The following CLOCK variants were observed in gnomAD, a reference collection of about 807,000 sequenced individuals.
The protein encoded by CLOCK is clock circadian regulator, also known as circadian locomoter output cycles protein kaput.
CLOCK carries 43 observed loss-of-function variants against 118.4 expected under a neutral mutation model. The observed-to-expected ratio is 0.36, with a 90% CI of 0.28 to 0.47. The LOEUF is 0.47. Ranked by LOEUF, CLOCK falls within the 20% of genes least tolerant of loss-of-function variation. The pLI, the probability that CLOCK is intolerant of heterozygous loss-of-function variation, is 1.00. For missense variants in CLOCK, 846 were observed against 999.9 expected (o/e 0.85, Z 2.08); for synonymous variants, 326 against 339.2 (o/e 0.96, Z 0.43).
At chr4:55,494,530 A>G (rs574585559) in intron 2 of CLOCK, among the ~76,000 whole-genome samples, 76 of 152,258 alleles carry the variant, frequency 5.0e-4, no homozygotes, top group African/African-American at 1.6e-3. Context: ...AGTTAAAGGC[A>G]TAAGAATGAT....
chr4:55,485,513 G>C (rs1263246742), intron 3 of CLOCK, among the ~76,000 whole-genome samples: 1 of 152,206 alleles, frequency 6.6e-6, no homozygotes, highest in Admixed American at 6.5e-5. Context: ...TTCAGAAAGA[G>C]ACTAGCTAGA....
chr4:55,461,526 C>T (rs1489867807), intron 9 of CLOCK, among the ~76,000 whole-genome samples: 1 of 152,154 alleles, frequency 6.6e-6, no homozygotes, highest in Non-Finnish European at 1.5e-5. Context: ...TGGTCTGATC[C>T]ATAAGATCTC....
chr4:55,504,628 TTA>T (rs1177896823), intron 2 of CLOCK, among the ~76,000 whole-genome samples: 1 of 152,118 alleles, frequency 6.6e-6, no homozygotes, highest in Non-Finnish European at 1.5e-5. Flanking sequence ...ACTGAACATA[TTA>T]AAGTACAGGA....
chr4:55,505,336 T>TAGTATTTAG, intron 2 of CLOCK, among the ~76,000 whole-genome samples: 1 of 151,994 alleles, frequency 6.6e-6, no homozygotes, highest in Admixed American at 6.6e-5. Flanking sequence ...TGCAATACTC[T>TAGTATTTAG]AAGTGTATTT....
chr4:55,477,500 G>C (rs1167157609), intron 6 of CLOCK, among the ~76,000 whole-genome samples: 3 of 152,042 alleles, frequency 2.0e-5, no homozygotes, highest in Non-Finnish European at 2.9e-5. Context: ...AATTTTTTCA[G>C]GTTTAAGTCT....
intron 3 of CLOCK, among the ~76,000 whole-genome samples, chr4:55,488,921 TG>T (rs560297944): frequency 2.0e-5 from 3 of 152,064 alleles, no homozygotes; most frequent in Non-Finnish European, 4.4e-5. Flanking sequence ...TTGGTGGAGA[TG>T]GGGTCTCACT....
At chr4:55,447,428 T>C (rs560182611) in intron 18 of CLOCK, among the ~76,000 whole-genome samples, 6 of 152,386 alleles carry the variant, frequency 3.9e-5, no homozygotes, top group South Asian at 4.1e-4. Context: ...TAAAGTTATT[T>C]GTACCTTTGG....
intron 2 of CLOCK, among the ~76,000 whole-genome samples, chr4:55,496,678 T>C (rs912673655): frequency 1.3e-5 from 2 of 152,200 alleles, no homozygotes; most frequent in Admixed American, 1.3e-4. Context: ...CTTCTGAAGA[T>C]TATTTATCAC....
chr4:55,462,114 A>T (rs947497126), intron 9 of CLOCK, among the ~76,000 whole-genome samples: 3 of 152,336 alleles, frequency 2.0e-5, no homozygotes, highest in African/African-American at 7.2e-5. Context: ...CCATTTAATT[A>T]AGACTTTTCT....
In CLOCK at chr4:55,458,951, A is replaced by G. The variant is rs749292162; in HGVS notation, c.733T>C (p.Tyr245His). 28 of 1,613,866 alleles carry G rather than the reference A, an allele frequency of 1.7e-5. No individual in the cohort carries two copies. The highest frequency in any genetic ancestry group is 2.2e-5 in the Non-Finnish European group (26 of 1,179,956). The change falls in exon 11 of 23, where the codon TAT becomes CAT. Residue 245 changes from tyrosine to histidine, a missense_variant. By Grantham distance (83) the Tyr-to-His change is moderately conservative. Transcript: ENST00000513440. ...GTIQRTHRPS[Y>H]EDRVCFVATV... The stretch of plus-strand genomic sequence containing the variant: ...GCTACAAAACAAACTCTATCTTCAT[A>G]AGATGGCCTATGTGTGCGTTGTATA...
At chr4:55,457,600 GAAACA>G in intron 11 of CLOCK, among the ~76,000 whole-genome samples, 1 of 152,208 alleles carries the variant, frequency 6.6e-6, no homozygotes, top group Admixed American at 6.5e-5. Context: ...AAACAAGAAA[GAAACA>G]AATTTTATTT....
intron 1 of CLOCK, chr4:55,545,308 G>C (rs1383390398): frequency 6.6e-6 from 1 of 152,090 alleles, no homozygotes; most frequent in Non-Finnish European, 1.5e-5. Context: ...TGTCCCAAGG[G>C]ATAAGTTTCA....
chr4:55,490,711 T>C (rs999374614), intron 2 of CLOCK, among the ~76,000 whole-genome samples: 3 of 152,224 alleles, frequency 2.0e-5, no homozygotes, highest in Admixed American at 6.5e-5. Flanking sequence ...ATAGGTGTTA[T>C]ACTATATTGG....
chr4:55,438,140 C>T, intron 22 of CLOCK, 142 bp downstream of exon 22: 5 of 1,143,600 alleles, frequency 4.4e-6, no homozygotes, highest in Non-Finnish European at 6.2e-6. Flanking sequence ...CCAGAACAAG[C>T]TTTCTATCTT....
chr4:55,539,309 C>T lies in CLOCK; in HGVS notation c.-290+7473G>A, dbSNP rs144036411. 2.8e-3 allele frequency among the ~76,000 whole-genome samples: 419 copies of T among 152,036 alleles called. 2 individuals are homozygous for T. Among genetic ancestry groups the T allele is most frequent in the Middle Eastern group, 0.01 (3 of 294 alleles). On this transcript the variant is annotated intron_variant, in intron 1 of 22. Coordinates refer to ENST00000513440, the MANE Select transcript of CLOCK (RefSeq NM_004898.4). ...AAGGTGAAACTGCCGTGCATGGTGG[C>T]TCACACCTATACCCAGCACTTTGGG... is the stretch of plus-strand genomic sequence containing the variant.
At chr4:55,544,876 C>G (rs1269219366) in intron 1 of CLOCK, among the ~76,000 whole-genome samples, 1 of 152,040 alleles carries the variant, frequency 6.6e-6, no homozygotes, top group Non-Finnish European at 1.5e-5. Flanking sequence ...ATTATTACAC[C>G]TCGCCCTTAA....
At chr4:55,481,446 A>G (rs1039445121) in intron 4 of CLOCK, among the ~76,000 whole-genome samples, 6 of 152,206 alleles carry the variant, frequency 3.9e-5, no homozygotes, top group Admixed American at 3.3e-4. Context: ...TGCCAAATTC[A>G]TATTTTATCC....
At chr4:55,436,178 TAATA>T (rs1722861766) in intron 22 of CLOCK, among the ~76,000 whole-genome samples, 1 of 152,302 alleles carries the variant, frequency 6.6e-6, no homozygotes, top group South Asian at 2.1e-4. Context: ...ATTGGGTTCT[TAATA>T]AAGATTAAAT....
intron 20 of CLOCK, 32 bp downstream of exon 20, chr4:55,443,655 A>C (rs1723551132): frequency 6.4e-7 from 1 of 1,554,888 alleles, no homozygotes; most frequent in South Asian, 1.1e-5. Flanking sequence ...ACCACTGATC[A>C]CTCCATAGCC....
Sources: gnomAD v4.1 joint callset for allele counts (sites outside exome capture counted in the v4.1 genomes callset) on GRCh38, gnomAD v4.1.1 for gene constraint, MANE v1.5 for transcripts, NCBI Gene and HGNC (gene_info 2026-07-23, HGNC 2026-07-21) for gene names.